Variants in CFAP20DC observed in about 807,000 individuals in gnomAD.
CFAP20DC encodes protein CFAP20DC.
A neutral mutation model predicts 101.7 loss-of-function variants in CFAP20DC; 84 were observed. That is an observed-to-expected ratio of 0.83 (90% confidence interval 0.69 to 0.99). The LOEUF (loss-of-function observed/expected upper bound fraction) is 0.99, where lower values mean the gene tolerates loss of function less well. Ranked by LOEUF, CFAP20DC falls within the 50% of genes least tolerant of loss-of-function variation. The pLI is 0.00. For missense variants in CFAP20DC, 1,007 were observed against 970.3 expected, an observed-to-expected ratio of 1.04 and a Z score of -0.50; for synonymous variants, 359 against 351.2, an observed-to-expected ratio of 1.02 and a Z score of -0.25.
At chr3:58,773,971 T>C (rs1469759511) in intron 15 of CFAP20DC, among the ~76,000 whole-genome samples, 3 of 151,934 alleles carry the variant, frequency 2.0e-5, no homozygotes, top group African/African-American at 7.3e-5. Context: ...AGTTTAATAT[T>C]ATGTTTTAAT....
intron 13 of CFAP20DC, 149 bp downstream of exon 13, chr3:58,848,883 C>G: frequency 2.1e-6 from 2 of 974,460 alleles, no homozygotes; most frequent in Non-Finnish European, 2.9e-6. Flanking sequence ...CTGCTATTAC[C>G]AAACTAAAAC....
At chr3:58,995,975 A>AATCTATCTATCTATCTATCTATCTATCT (rs10688272) in intron 4 of CFAP20DC, among the ~76,000 whole-genome samples, 1 of 145,160 alleles carries the variant, frequency 6.9e-6, no homozygotes, top group African/African-American at 2.6e-5. Context: ...CTGTATAATA[A>AATCTATCTATCTATCTATCTATCTATCT]ATCTATCTAT....
intron 12 of CFAP20DC, among the ~76,000 whole-genome samples, chr3:58,853,715 C>T (rs1450913992): frequency 2.6e-5 from 4 of 152,138 alleles, no homozygotes; most frequent in African/African-American, 9.7e-5. Flanking sequence ...AGCACATAAA[C>T]AGAACCAAAG....
chr3:59,008,020 T>TC (rs535184860), intron 4 of CFAP20DC, among the ~76,000 whole-genome samples: 1 of 151,948 alleles, frequency 6.6e-6, no homozygotes, highest in Non-Finnish European at 1.5e-5. Flanking sequence ...GGGTCCTTGT[T>TC]CCCCCCAGCA....
intron 4 of CFAP20DC, among the ~76,000 whole-genome samples, chr3:59,031,120 C>G (rs567298461): frequency 1.3e-5 from 2 of 152,180 alleles, no homozygotes; most frequent in Non-Finnish European, 2.9e-5. Context: ...CCGTGCCTGG[C>G]CAGCTTTAAG....
At chr3:58,932,531 G>A (rs532631427) in intron 5 of CFAP20DC, among the ~76,000 whole-genome samples, 6 of 151,796 alleles carry the variant, frequency 4.0e-5, no homozygotes, top group African/African-American at 1.4e-4. Context: ...GAGAAAGGTC[G>A]CATTACCTAC....
At chr3:58,780,850 C>T (rs2107567977) in intron 15 of CFAP20DC, among the ~76,000 whole-genome samples, 1 of 151,978 alleles carries the variant, frequency 6.6e-6, no homozygotes, top group South Asian at 2.1e-4. Context: ...AATTTCAACA[C>T]CCCACTCCCA....
Position 58,869,382 on chromosome 3 carries a change from C to G in CFAP20DC, c.961G>C (p.Glu321Gln). The change falls in exon 9 of 17, where the codon GAA (glutamate) becomes CAA (glutamine). Residue 321 changes from glutamate (E) to glutamine (Q), a missense_variant. By Grantham distance (29) the Glu-to-Gln change is conservative. Transcript: ENST00000482387. This position sits in a 1 kb window ranked among gnomAD's most constrained non-coding sequence, Gnocchi z 4.3. Reference protein sequence around the residue: ...MSALLIPESEEQGNKENIHQI... With the variant: ...MSALLIPESEQQGNKENIHQI... The stretch of plus-strand genomic sequence containing the variant: ...TGAATATTTTCTTTATTTCCTTGTT[C>G]CTCAGACTCAGGTATCAGCAAGGCT... 6.2e-7 allele frequency: 1 copy of G among 1,613,720 alleles called. No individual in the cohort carries two copies. The highest frequency in any genetic ancestry group is 8.5e-7 in the Non-Finnish European group (1 of 1,179,748).
At position 58,964,965 on chromosome 3, in the gene CFAP20DC, C is replaced by T. The variant is rs558540749; in HGVS notation, c.279-27203G>A. Among the ~76,000 whole-genome samples, 26 of 152,298 alleles carry T rather than the reference C, an allele frequency of 1.7e-4. No homozygotes were observed. The highest frequency in any genetic ancestry group is 3.1e-4 in the Non-Finnish European group (21 of 68,030). ...CTGCCCAACCTACTACTCACATACT[C>T]ACATCTTTGGAATTTAATTCATTTT... On this transcript the variant is annotated intron_variant, in intron 4 of 16. Coordinates refer to ENST00000482387, the MANE Select transcript of CFAP20DC (RefSeq NM_001394063.1). The surrounding 1 kb of genome is among the most constrained non-coding windows in gnomAD (Gnocchi z 4.1).
chr3:58,777,028 T>C (rs2071396049), intron 15 of CFAP20DC, among the ~76,000 whole-genome samples: 1 of 151,842 alleles, frequency 6.6e-6, no homozygotes, highest in Non-Finnish European at 1.5e-5. Flanking sequence ...CTGCCTCCCA[T>C]TCTATTCCTA....
At chr3:58,981,850 G>C (rs1198946934) in intron 4 of CFAP20DC, among the ~76,000 whole-genome samples, 2 of 152,106 alleles carry the variant, frequency 1.3e-5, no homozygotes, top group Non-Finnish European at 2.9e-5. Context: ...AGCCAAAATT[G>C]ACAAATGGGA....
chr3:59,033,060 G>T (rs1287685048), intron 4 of CFAP20DC, among the ~76,000 whole-genome samples: 5 of 152,090 alleles, frequency 3.3e-5, no homozygotes, highest in Non-Finnish European at 5.9e-5. Flanking sequence ...GGCAAACAGG[G>T]TCTGAAGTGG....
intron 3 of CFAP20DC, among the ~76,000 whole-genome samples, chr3:58,720,723 G>T (rs1167657137): frequency 6.6e-6 from 1 of 152,120 alleles, no homozygotes; most frequent in Non-Finnish European, 1.5e-5. Flanking sequence ...TAAGCAGAGG[G>T]TTATTAAGTT....
At chr3:58,953,302 T>A (rs1471158061) in intron 4 of CFAP20DC, among the ~76,000 whole-genome samples, 2 of 152,216 alleles carry the variant, frequency 1.3e-5, no homozygotes, top group East Asian at 3.9e-4. Context: ...TCCTCTAGAC[T>A]GCAAAACTCA....
intron 5 of CFAP20DC, among the ~76,000 whole-genome samples, chr3:58,923,277 C>G (rs2085585047): frequency 6.6e-6 from 1 of 152,094 alleles, no homozygotes; most frequent in Admixed American, 6.5e-5. Context: ...TGAATGATTT[C>G]TTTTTAGATT....
chr3:58,760,836 T>C (rs1219193779), intron 15 of CFAP20DC, among the ~76,000 whole-genome samples: 1 of 152,232 alleles, frequency 6.6e-6, no homozygotes, highest in African/African-American at 2.4e-5. Context: ...CTGGATTACA[T>C]TTATTTATTT....
intron 4 of CFAP20DC, among the ~76,000 whole-genome samples, chr3:58,958,389 A>C (rs1332205395): frequency 6.6e-6 from 1 of 152,236 alleles, no homozygotes; most frequent in East Asian, 1.9e-4. Context: ...GTATTCTACT[A>C]TATGGATGTA....
At chr3:58,888,342 G>A (rs1323576910) in intron 6 of CFAP20DC, among the ~76,000 whole-genome samples, 1 of 152,134 alleles carries the variant, frequency 6.6e-6, no homozygotes, top group Non-Finnish European at 1.5e-5. Flanking sequence ...CCCTGTCCTT[G>A]CCTCCTTGAA....
intron 14 of CFAP20DC, among the ~76,000 whole-genome samples, chr3:58,809,889 G>C (rs990859822): frequency 2.0e-5 from 3 of 152,102 alleles, no homozygotes; most frequent in South Asian, 2.1e-4. Context: ...CGATCCCTCA[G>C]AAATACAAAC....
Sources: allele counts gnomAD v4.1 joint callset (sites outside exome capture counted in the v4.1 genomes callset), GRCh38; gene constraint gnomAD v4.1.1; non-coding constraint Gnocchi (gnomAD v3.1); transcripts MANE v1.5; gene names NCBI Gene and HGNC (gene_info 2026-07-23, HGNC 2026-07-21).